Variants in CPNE3 observed in about 807,000 individuals in gnomAD.
CPNE3 encodes the protein copine 3, also known as copine-3.
A neutral mutation model predicts 63.9 loss-of-function variants in CPNE3; 68 were observed. That is an observed-to-expected ratio of 1.06 (90% CI 0.87 to 1.30). The LOEUF is 1.30. Among genes scored for constraint, CPNE3 ranks in the 50% most tolerant of loss-of-function variants. The pLI is 0.00. For missense variants in CPNE3, 665 were observed against 578.1 expected (o/e 1.15, Z -1.54); for synonymous variants, 219 against 197.5 (o/e 1.11, Z -0.91).
At position 86,554,909 on chromosome 8, in the gene CPNE3, A is replaced by C; in HGVS notation, c.1179A>C (p.Gly393=). The C allele has an allele frequency of 6.2e-7, 1 of 1,614,134 alleles. No homozygotes were observed. Residue 393 remains glycine, a synonymous_variant, in exon 15 of 17, where the codon GGA becomes GGC. Transcript: ENST00000517490. ...GTCTTCCTCAGATAAAACTCTATGG[A>C]CCAACTAATTTTTCTCCAATCATAA... ...RSCLPQIKLY[G]PTNFSPIINH...
chr8:86,544,289 A>G (rs1281343039), intron 8 of CPNE3, among the ~76,000 whole-genome samples: 2 of 152,198 alleles, frequency 1.3e-5, no homozygotes, highest in Admixed American at 1.3e-4. Flanking sequence ...ATTCTAAAGT[A>G]TCTAGGATTT....
chr8:86,537,303 A>G (rs1362044684), intron 6 of CPNE3, among the ~76,000 whole-genome samples: 2 of 152,224 alleles, frequency 1.3e-5, no homozygotes, highest in Non-Finnish European at 2.9e-5. Flanking sequence ...TGACCACTGT[A>G]TTTTAAAACT....
At chr8:86,552,193 T>C (rs1280505953) in intron 14 of CPNE3, among the ~76,000 whole-genome samples, 5 of 152,244 alleles carry the variant, frequency 3.3e-5, no homozygotes, top group Admixed American at 3.3e-4. Flanking sequence ...TATAGCTTTC[T>C]AACAGAAGAA....
chr8:86,541,695 G>A (rs2131470689), intron 8 of CPNE3, among the ~76,000 whole-genome samples: 1 of 139,324 alleles, frequency 7.2e-6, no homozygotes, highest in Non-Finnish European at 1.5e-5. Context: ...GATGGAGTGA[G>A]ACCGTGTCTT....
chr8:86,528,439 A>G, intron 2 of CPNE3, 97 bp from the exon 3 acceptor site: 2 of 1,344,990 alleles, frequency 1.5e-6, no homozygotes, highest in Non-Finnish European at 2.1e-6. Context: ...GCCTATTGTG[A>G]CAATTGGTCT....
intron 1 of CPNE3, 190 bp from the exon 2 acceptor site, chr8:86,515,272 G>C (rs919205875): frequency 1.3e-5 from 2 of 152,162 alleles, no homozygotes; most frequent in African/African-American, 4.8e-5. Context: ...TGCACTTTTT[G>C]CATATCCTTA....
In CPNE3 at chr8:86,528,952, G is replaced by C; in HGVS notation, c.140G>C (p.Arg47Pro). The C allele has an allele frequency of 6.2e-7, 1 of 1,611,842 alleles. No individual in the cohort carries two copies. The highest frequency in any genetic ancestry group is 8.5e-7 in the Non-Finnish European group (1 of 1,179,428). Residue 47 changes from arginine (R) to proline (P), a missense_variant, in exon 4 of 17, where the codon CGC (arginine) becomes CCC (proline). Coordinates refer to ENST00000517490, the MANE Select transcript of CPNE3 (RefSeq NM_003909.5). ...TSGQQWYEVE[R>P]TERIKNCLNP... The stretch of plus-strand genomic sequence containing the variant: ...TTTTGCGGATGGGTGTAGGTTGAGC[G>C]CACAGAAAGGATTAAGAATTGCTTG...
At chr8:86,527,240 G>T (rs1018004099) in intron 2 of CPNE3, among the ~76,000 whole-genome samples, 5 of 152,234 alleles carry the variant, frequency 3.3e-5, no homozygotes, top group Non-Finnish European at 5.9e-5. Context: ...TGCAGAACCT[G>T]CCCTAGCACC....
At chr8:86,541,137 G>A (rs1820928502) in intron 8 of CPNE3, among the ~76,000 whole-genome samples, 2 of 152,142 alleles carry the variant, frequency 1.3e-5, no homozygotes, top group South Asian at 4.1e-4. Flanking sequence ...GTAAAAGCAG[G>A]CAGGATAATG....
At chr8:86,537,053 G>GT (rs1168819169) in intron 6 of CPNE3, among the ~76,000 whole-genome samples, 2 of 152,144 alleles carry the variant, frequency 1.3e-5, no homozygotes, top group African/African-American at 4.8e-5. Flanking sequence ...TGATGAAGGA[G>GT]TTTTGGACAT....
chr8:86,548,724 T>C (rs956203728), intron 12 of CPNE3, among the ~76,000 whole-genome samples: 1 of 152,174 alleles, frequency 6.6e-6, no homozygotes, highest in Admixed American at 6.5e-5. Context: ...CTTGTTTCTT[T>C]AGTCTGGTTT....
intron 16 of CPNE3, 142 bp from the exon 17 acceptor site, chr8:86,558,146 T>G (rs1670433931): frequency 1.6e-6 from 1 of 616,450 alleles, no homozygotes. Context: ...CCATATTTCA[T>G]GGGCGGTTCC....
intron 6 of CPNE3, among the ~76,000 whole-genome samples, chr8:86,534,559 G>A (rs1338676520): frequency 6.6e-6 from 1 of 152,158 alleles, no homozygotes; most frequent in African/African-American, 2.4e-5. Flanking sequence ...GGGAGGCTGA[G>A]GCAGGAGAAT....
chr8:86,553,234 A>G (rs1821233575), intron 14 of CPNE3, among the ~76,000 whole-genome samples: 1 of 151,832 alleles, frequency 6.6e-6, no homozygotes, highest in South Asian at 2.1e-4. Context: ...TGCATGTAAA[A>G]TCACCCCTGC....
chr8:86,540,387 AT>A, intron 8 of CPNE3, 53 bp downstream of exon 8: 1 of 832,124 alleles, frequency 1.2e-6, no homozygotes, highest in Non-Finnish European at 1.7e-6. Flanking sequence ...ATGTTCACCT[AT>A]TTTATAAAAT....
chr8:86,554,569 T>A (rs1329746139), intron 14 of CPNE3, among the ~76,000 whole-genome samples: 4 of 152,182 alleles, frequency 2.6e-5, no homozygotes, highest in African/African-American at 9.7e-5. Flanking sequence ...GTATTAAAAA[T>A]TAAGCACAGA....
chr8:86,538,324 G>T (rs1820851945), intron 7 of CPNE3, among the ~76,000 whole-genome samples: 1 of 152,120 alleles, frequency 6.6e-6, no homozygotes, highest in South Asian at 2.1e-4. Context: ...GCAGTGAGCT[G>T]AGATCGCACC....
chr8:86,543,255 A>G (rs1489667997), intron 8 of CPNE3, among the ~76,000 whole-genome samples: 2 of 152,142 alleles, frequency 1.3e-5, no homozygotes, highest in Non-Finnish European at 2.9e-5. Flanking sequence ...AATGCCTGCA[A>G]AGCATTTTCT....
intron 4 of CPNE3, 65 bp from the exon 5 acceptor site, chr8:86,531,086 GAAAC>G: frequency 1.3e-6 from 1 of 789,236 alleles, no homozygotes; most frequent in Non-Finnish European, 2.2e-6. Context: ...CTTTTTTGCT[GAAAC>G]TATTTCATTT....
Sources: gnomAD v4.1 joint callset for allele counts (sites outside exome capture counted in the v4.1 genomes callset) on GRCh38, gnomAD v4.1.1 for gene constraint, MANE v1.5 for transcripts, NCBI Gene and HGNC (gene_info 2026-07-23, HGNC 2026-07-21) for gene names.